Variants in KDM4C observed in about 807,000 individuals in gnomAD.
The protein encoded by KDM4C is lysine demethylase 4C, also known as lysine-specific demethylase 4C.
Under a neutral mutation model 129.3 loss-of-function variants are expected in KDM4C, and 81 were observed. The observed-to-expected ratio is 0.63, with a 90% CI of 0.52 to 0.75. KDM4C has a LOEUF of 0.75. Ranked by LOEUF, KDM4C falls within the 30% of genes least tolerant of loss-of-function variation. KDM4C has a pLI of 0.00. For missense variants in KDM4C, 1,457 were observed against 1,304.0 expected (o/e 1.12, Z -1.81); for synonymous variants, 573 against 456.1 (o/e 1.26, Z -3.26).
chr9:6,888,646 C>G (rs1239772179), intron 7 of KDM4C, among the ~76,000 whole-genome samples: 1 of 152,112 alleles, frequency 6.6e-6, no homozygotes, highest in Non-Finnish European at 1.5e-5. Flanking sequence ...TTGCAGAGCT[C>G]AAACATTTTT....
At chr9:6,730,372 T>G (rs1817283067) in intron 1 of KDM4C, among the ~76,000 whole-genome samples, 1 of 152,070 alleles carries the variant, frequency 6.6e-6, no homozygotes. Flanking sequence ...TTCCAGCACT[T>G]TCGGAGGCCA....
intron 5 of KDM4C, among the ~76,000 whole-genome samples, chr9:6,856,672 A>C (rs1394631633): frequency 6.6e-6 from 1 of 151,418 alleles, no homozygotes; most frequent in East Asian, 1.9e-4. Flanking sequence ...TCCTGGGCTC[A>C]AGTGATCCTC....
chr9:7,050,108 A>G (rs1829937807), intron 17 of KDM4C, among the ~76,000 whole-genome samples: 1 of 151,904 alleles, frequency 6.6e-6, no homozygotes, highest in Admixed American at 6.6e-5. Context: ...GGGCTCTCTT[A>G]TAGGAACTCA....
At chr9:6,792,278 G>C (rs537488197) in intron 1 of KDM4C, among the ~76,000 whole-genome samples, 2 of 152,100 alleles carry the variant, frequency 1.3e-5, no homozygotes, top group Non-Finnish European at 2.9e-5. Context: ...GGGAGGTGGA[G>C]GTTGCAGTGA....
At chr9:7,080,119 C>T (rs140421755) in intron 17 of KDM4C, among the ~76,000 whole-genome samples, 31 of 152,282 alleles carry the variant, frequency 2.0e-4, no homozygotes, top group African/African-American at 7.0e-4. Context: ...CCCTCAAACC[C>T]ATGGTGTCTT....
intron 5 of KDM4C, among the ~76,000 whole-genome samples, chr9:6,865,097 C>T (rs1402233594): frequency 6.6e-6 from 1 of 150,882 alleles, no homozygotes; most frequent in South Asian, 2.1e-4. Flanking sequence ...CAAGCTCTGC[C>T]TCCCGGGTTC....
chr9:6,890,381 C>G (rs1563766594), intron 7 of KDM4C, among the ~76,000 whole-genome samples: 2 of 152,218 alleles, frequency 1.3e-5, no homozygotes, highest in Non-Finnish European at 2.9e-5. Flanking sequence ...TACTCTTCCT[C>G]TTCAACTCAG....
Position 6,861,812 on chromosome 9 carries a change from G to C in KDM4C, c.629+12112G>C, listed in dbSNP as rs1404632739. 2.0e-5 allele frequency among the ~76,000 whole-genome samples: 3 copies of C among 146,724 alleles called. No individual in the cohort carries two copies. The East Asian group carries it at 5.9e-4, about 29-fold the overall frequency. ...TTTTCTCGAGATGGAGTCTTGCTCT[G>C]TTGCCCAGGCTGCAGTGCAATGGTG... is the stretch of plus-strand genomic sequence containing the variant. On this transcript the variant is annotated intron_variant, in intron 5 of 21. Coordinates refer to ENST00000381309, the MANE Select transcript of KDM4C (RefSeq NM_015061.6).
At chr9:6,820,460 G>A (rs146934814) in intron 4 of KDM4C, among the ~76,000 whole-genome samples, 4 of 152,286 alleles carry the variant, frequency 2.6e-5, no homozygotes, top group Non-Finnish European at 4.4e-5. Context: ...GTGGTCCTGG[G>A]TCGTGGATCT....
At chr9:6,985,453 A>T (rs1817519946) in intron 10 of KDM4C, among the ~76,000 whole-genome samples, 1 of 152,138 alleles carries the variant, frequency 6.6e-6, no homozygotes, top group African/African-American at 2.4e-5. Context: ...ATTACAATCC[A>T]ATGTGGTAAG....
At chr9:6,744,990 C>G (rs1426240434) in intron 1 of KDM4C, among the ~76,000 whole-genome samples, 1 of 152,144 alleles carries the variant, frequency 6.6e-6, no homozygotes. Flanking sequence ...ATTCCTCCTC[C>G]TCCACCTCCT....
chr9:7,153,873 A>G (rs1420007745), intron 19 of KDM4C, among the ~76,000 whole-genome samples: 1 of 152,232 alleles, frequency 6.6e-6, no homozygotes, highest in Non-Finnish European at 1.5e-5. Context: ...CACAGATGCC[A>G]TCCAGGAAGG....
At chr9:7,016,787 G>A (rs545357076) in intron 15 of KDM4C, among the ~76,000 whole-genome samples, 77 of 152,132 alleles carry the variant, frequency 5.1e-4, no homozygotes, top group African/African-American at 1.6e-3. Context: ...TCAATTTATC[G>A]TGTCCACATT....
intron 19 of KDM4C, among the ~76,000 whole-genome samples, chr9:7,143,254 A>C (rs72705332): frequency 0.015 from 2,240 of 152,356 alleles, 33 homozygotes; most frequent in Non-Finnish European, 0.024. Flanking sequence ...AAGGAAAGTA[A>C]CTGAGGATGC....
At chr9:7,052,909 G>GCGAGCGAGAGA (rs767668455) in intron 17 of KDM4C, among the ~76,000 whole-genome samples, 1,599 of 100,112 alleles carry the variant, frequency 0.016, 147 homozygotes, top group African/African-American at 0.035. Flanking sequence ...GAGCGAGCGA[G>GCGAGCGAGAGA]TGCCCAAGGG....
In KDM4C at chr9:6,853,845, G is replaced by A. The variant is rs187647323; in HGVS notation, c.629+4145G>A. ...TCTGTCACTTACTGGGAATGACTTA[G>A]GGCAAATCACTACACTCCTTTCATC... On this transcript the variant is annotated intron_variant, in intron 5 of 21. Coordinates refer to ENST00000381309, the MANE Select transcript of KDM4C (RefSeq NM_015061.6). Among the ~76,000 whole-genome samples the A allele has an allele frequency of 3.3e-5, 5 of 152,224 alleles. No individual in the cohort carries two copies. In the East Asian group the frequency reaches 7.7e-4, roughly 24 times the overall value.
At chr9:6,830,182 A>C (rs1467403283) in intron 4 of KDM4C, among the ~76,000 whole-genome samples, 1 of 152,240 alleles carries the variant, frequency 6.6e-6, no homozygotes, top group African/African-American at 2.4e-5. Context: ...TGTACAATAA[A>C]ATGTTAAGAA....
intron 8 of KDM4C, among the ~76,000 whole-genome samples, chr9:6,945,274 C>T (rs537455495): frequency 6.6e-5 from 10 of 152,164 alleles, no homozygotes; most frequent in African/African-American, 2.4e-4. Flanking sequence ...TATAATTTAT[C>T]TTTTTTCTGT....
At chr9:6,739,627 G>A (rs1817626220) in intron 1 of KDM4C, among the ~76,000 whole-genome samples, 1 of 148,832 alleles carries the variant, frequency 6.7e-6, no homozygotes, top group Non-Finnish European at 1.5e-5. Flanking sequence ...TTGATATGCA[G>A]GGTAGATTTT....
Sources: gnomAD v4.1 joint callset for allele counts (sites outside exome capture counted in the v4.1 genomes callset) on GRCh38, gnomAD v4.1.1 for gene constraint, MANE v1.5 for transcripts, NCBI Gene and HGNC (gene_info 2026-07-23, HGNC 2026-07-21) for gene names.